FOXP1: variants seen among roughly 807,000 people sequenced by gnomAD.
The protein encoded by FOXP1 is forkhead box protein P1.
FOXP1 carries 15 observed loss-of-function variants against 98.2 expected under a neutral mutation model. The ratio of observed to expected loss-of-function variants is 0.15; its 90% confidence interval spans 0.10 to 0.24. The LOEUF is 0.24. Ranked by LOEUF, FOXP1 falls within the 10% of genes least tolerant of loss-of-function variation. The pLI, the probability that FOXP1 is intolerant of heterozygous loss-of-function variation, is 1.00. For synonymous variants in FOXP1, 371 were observed against 314.5 expected, an observed-to-expected ratio of 1.18 and a Z score of -1.90; for missense variants, 633 against 848.5, an observed-to-expected ratio of 0.75 and a Z score of 3.15.
intron 4 of FOXP1, among the ~76,000 whole-genome samples, chr3:71,324,566 T>A (rs1241912481): frequency 6.7e-6 from 1 of 149,504 alleles, no homozygotes; most frequent in African/African-American, 2.5e-5. Flanking sequence ...AAATGAACAA[T>A]GAGAACACTT....
intron 11 of FOXP1, among the ~76,000 whole-genome samples, chr3:71,018,336 A>C (rs2044830228): frequency 1.3e-5 from 2 of 152,118 alleles, no homozygotes; most frequent in Non-Finnish European, 2.9e-5. Flanking sequence ...AGAAACTCAT[A>C]CTCGTCACAC....
chr3:71,240,527 A>G (rs753900218), intron 5 of FOXP1, among the ~76,000 whole-genome samples: 10 of 145,898 alleles, frequency 6.9e-5, no homozygotes, highest in Non-Finnish European at 1.5e-4. Context: ...TCATTCAGTC[A>G]TATCTCAGAA....
At chr3:70,971,405 T>C (rs2036207234) in intron 18 of FOXP1, 1 of 155,852 alleles carries the variant, frequency 6.4e-6, no homozygotes, top group African/African-American at 2.4e-5. Context: ...GCCATCTCCA[T>C]TCACGGACCA....
chr3:71,169,101 G>A (rs904579748), intron 6 of FOXP1, among the ~76,000 whole-genome samples: 5 of 152,214 alleles, frequency 3.3e-5, no homozygotes, highest in African/African-American at 1.2e-4. Flanking sequence ...TCAGGGTTAA[G>A]CATAGATACC....
At chr3:71,369,583 C>T (rs1440753732) in intron 3 of FOXP1, among the ~76,000 whole-genome samples, 2 of 151,970 alleles carry the variant, frequency 1.3e-5, no homozygotes, top group African/African-American at 2.4e-5. Flanking sequence ...TTAGTAGAGA[C>T]GGGGTTTCAC....
chr3:71,046,972 G>A lies in FOXP1; in HGVS notation c.634C>T (p.Pro212Ser), dbSNP rs747658620. 3 of 1,614,078 alleles carry A rather than the reference G, an allele frequency of 1.9e-6. No individual in the cohort carries two copies. Among genetic ancestry groups the A allele is most frequent in the East Asian group, 2.2e-5 (1 of 44,882 alleles). The change falls in exon 10 of 21, where the codon CCT becomes TCT. Residue 212 changes from proline to serine, a missense_variant. This residue lies in a region of FOXP1 where 210 missense variants were observed against 270.6 expected (regional missense o/e 0.78). Transcript: ENST00000649528. ...QGLLTIQPGQ[P>S]ALPLQPLAQG... The stretch of plus-strand genomic sequence containing the variant: ...GCAAGAGGTTGAAGGGGAAGGGCAG[G>A]CTGCCCGGGCTGAATTGTCAGAAGG...
At chr3:71,528,161 C>T (rs1328732108) in intron 2 of FOXP1, among the ~76,000 whole-genome samples, 2 of 152,112 alleles carry the variant, frequency 1.3e-5, no homozygotes, top group African/African-American at 4.8e-5. Context: ...TTTATGAAAA[C>T]ATGTTTGTGC....
Position 71,269,425 on chromosome 3 carries a change from T to C in FOXP1, c.-12+30395A>G, listed in dbSNP as rs2070103029. ...AAATAAAATTCCACTATAAAAAGAA[T>C]TTTTCAAAATGTTAGGCCCAAGAAT... On this transcript the variant is annotated intron_variant, in intron 5 of 20. Coordinates refer to ENST00000649528, the MANE Select transcript of FOXP1 (RefSeq NM_001349338.3). Among the ~76,000 whole-genome samples the C allele has an allele frequency of 2.6e-5, 4 of 151,370 alleles. No homozygotes were observed. In the South Asian group the frequency reaches 8.3e-4, roughly 31 times the overall value.
At chr3:71,014,253 C>CA (rs982837954) in intron 12 of FOXP1, among the ~76,000 whole-genome samples, 1 of 152,170 alleles carries the variant, frequency 6.6e-6, no homozygotes, top group African/African-American at 2.4e-5. Flanking sequence ...GCAATCTACT[C>CA]ATCTGACAAA....
chr3:71,239,893 C>T (rs1576539973), intron 5 of FOXP1, among the ~76,000 whole-genome samples: 1 of 152,266 alleles, frequency 6.6e-6, no homozygotes, highest in Admixed American at 6.5e-5. Context: ...GCCCTATGTA[C>T]AATTTGCCAT....
At chr3:71,100,316 T>C (rs1396445601) in intron 7 of FOXP1, among the ~76,000 whole-genome samples, 2 of 152,256 alleles carry the variant, frequency 1.3e-5, no homozygotes, top group Non-Finnish European at 2.9e-5. Flanking sequence ...ATTCTGTTTC[T>C]AGAATAAATA....
At chr3:71,568,226 C>T (rs948108049) in intron 2 of FOXP1, among the ~76,000 whole-genome samples, 1 of 152,132 alleles carries the variant, frequency 6.6e-6, no homozygotes, top group Admixed American at 6.5e-5. Context: ...GTACTCAATG[C>T]ATATCTAGGA....
chr3:70,995,213 A>T (rs1039618179), intron 13 of FOXP1, among the ~76,000 whole-genome samples: 16 of 152,186 alleles, frequency 1.1e-4, no homozygotes, highest in Admixed American at 8.5e-4. Context: ...TTAAATCCCT[A>T]GGCCCACGGC....
At chr3:71,365,077 G>T (rs2078826466) in intron 3 of FOXP1, among the ~76,000 whole-genome samples, 2 of 152,166 alleles carry the variant, frequency 1.3e-5, no homozygotes, top group South Asian at 4.1e-4. Flanking sequence ...CTAATAAAAC[G>T]TTATTTACAC....
intron 17 of FOXP1, among the ~76,000 whole-genome samples, chr3:70,975,513 G>A (rs1476849721): frequency 2.0e-5 from 3 of 152,158 alleles, no homozygotes; most frequent in Non-Finnish European, 4.4e-5. Context: ...CAGAGGAAAT[G>A]TATTTTTCTG....
intron 11 of FOXP1, among the ~76,000 whole-genome samples, chr3:71,023,092 T>A (rs2045645090): frequency 6.6e-6 from 1 of 152,162 alleles, no homozygotes; most frequent in Non-Finnish European, 1.5e-5. Flanking sequence ...CTTCCCCCAC[T>A]GGCCACCTTC....
chr3:71,221,291 G>A (rs565132230), intron 5 of FOXP1, among the ~76,000 whole-genome samples: 2 of 152,266 alleles, frequency 1.3e-5, no homozygotes, highest in Admixed American at 6.5e-5. Flanking sequence ...TGTCTTCCAC[G>A]AAACTGGTCC....
At chr3:71,508,430 C>T (rs67000219) in intron 2 of FOXP1, among the ~76,000 whole-genome samples, 12,539 of 152,226 alleles carry the variant, frequency 0.082, 704 homozygotes, top group Middle Eastern at 0.2. Flanking sequence ...AAGGCAGTGC[C>T]TACCCAGTGG....
intron 3 of FOXP1, among the ~76,000 whole-genome samples, chr3:71,471,918 T>G (rs2089393134): frequency 6.6e-6 from 1 of 152,170 alleles, no homozygotes; most frequent in Admixed American, 6.6e-5. Flanking sequence ...ACTCCCAGGT[T>G]TAAAGATTTA....
Sources: allele counts gnomAD v4.1 joint callset (sites outside exome capture counted in the v4.1 genomes callset), GRCh38; gene constraint gnomAD v4.1.1; regional missense constraint gnomAD v4.1.1; transcripts MANE v1.5; gene names NCBI Gene and HGNC (gene_info 2026-07-23, HGNC 2026-07-21).